RYR2: variants seen among roughly 807,000 people sequenced by gnomAD.
RYR2 encodes cardiac muscle ryanodine receptor-calcium release channel.
In RYR2, 227 loss-of-function variants were observed where a neutral mutation model predicts 601.1. The observed-to-expected ratio is 0.38, with a 90% CI of 0.34 to 0.42. The LOEUF is 0.42. Among genes scored for constraint, RYR2 ranks in the 10% least tolerant of loss-of-function variants. The pLI is 1.00. For missense variants in RYR2, 4,646 were observed against 6,156.5 expected (o/e 0.75, Z 8.21); for synonymous variants, 2,223 against 2,175.1 (o/e 1.02, Z -0.61).
At chr1:237,511,204 C>T (rs1665857800) in intron 23 of RYR2, among the ~76,000 whole-genome samples, 1 of 151,052 alleles carries the variant, frequency 6.6e-6, no homozygotes, top group South Asian at 2.1e-4. Flanking sequence ...ACAAAAGAGA[C>T]CAAAATCTTT....
At chr1:237,148,533 T>TATATATATATATACACACACAC (rs1558320030) in intron 1 of RYR2, among the ~76,000 whole-genome samples, 1 of 116,742 alleles carries the variant, frequency 8.6e-6, no homozygotes, top group African/African-American at 4.0e-5. Context: ...AAAAAATATA[T>TATATATATATATACACACACAC]ATATATATAT....
intron 1 of RYR2, among the ~76,000 whole-genome samples, chr1:237,192,735 A>C (rs1558400405): frequency 6.6e-6 from 1 of 152,182 alleles, no homozygotes; most frequent in Non-Finnish European, 1.5e-5. Context: ...TTTAGAACAG[A>C]GATACGTAAC....
chr1:237,473,477 C>CTTTCTTTCTTTCTTCT (rs1553464755), intron 17 of RYR2, among the ~76,000 whole-genome samples: 3 of 145,520 alleles, frequency 2.1e-5, no homozygotes, highest in African/African-American at 2.5e-5. Context: ...ATCTATCTAT[C>CTTTCTTTCTTTCTTCT]TGGCATATAT....
chr1:237,410,770 C>T (rs1355894154), intron 10 of RYR2, among the ~76,000 whole-genome samples: 4 of 151,996 alleles, frequency 2.6e-5, no homozygotes, highest in East Asian at 1.9e-4. Context: ...CAACAGTTCT[C>T]GAGACAGTGG....
chr1:237,590,504 A>T, intron 30 of RYR2, 136 bp from the exon 31 acceptor site: 1 of 642,926 alleles, frequency 1.6e-6, no homozygotes, highest in Non-Finnish European at 2.6e-6. Context: ...TAATCTGTTT[A>T]ATCATCTCTT....
chr1:237,578,151 T>G (rs778664054), intron 29 of RYR2, among the ~76,000 whole-genome samples: 1 of 152,072 alleles, frequency 6.6e-6, no homozygotes, highest in Non-Finnish European at 1.5e-5. Flanking sequence ...CTGTAGAGCT[T>G]TTGGGACTGA....
chr1:237,700,612 G>A, intron 65 of RYR2, 145 bp downstream of exon 65: 1 of 601,026 alleles, frequency 1.7e-6, no homozygotes, highest in Non-Finnish European at 3.0e-6. Context: ...GTTATAGGTT[G>A]ACATTTGTGT....
At chr1:237,719,805 C>A (rs1163983149) in intron 73 of RYR2, among the ~76,000 whole-genome samples, 1 of 151,722 alleles carries the variant, frequency 6.6e-6, no homozygotes, top group African/African-American at 2.4e-5. Flanking sequence ...GCTGCTAAAC[C>A]ACTTATGAAA....
intron 60 of RYR2, among the ~76,000 whole-genome samples, chr1:237,676,801 C>G (rs1488593369): frequency 6.6e-6 from 1 of 152,090 alleles, no homozygotes; most frequent in East Asian, 1.9e-4. Flanking sequence ...TGTAATCTCT[C>G]CACATCTTTT....
intron 24 of RYR2, among the ~76,000 whole-genome samples, chr1:237,526,378 C>T (rs1159666077): frequency 6.6e-6 from 1 of 151,414 alleles, no homozygotes; most frequent in African/African-American, 2.4e-5. Context: ...ACCAGAGTCT[C>T]ACTCTGTAGC....
chr1:237,440,088 A>C (rs1432527215), intron 12 of RYR2, among the ~76,000 whole-genome samples: 1 of 152,164 alleles, frequency 6.6e-6, no homozygotes, highest in African/African-American at 2.4e-5. Flanking sequence ...GTTGACCTTG[A>C]CATTTTGTGT....
At chr1:237,278,205 C>T (rs1322451654) in intron 2 of RYR2, among the ~76,000 whole-genome samples, 2 of 148,638 alleles carry the variant, frequency 1.3e-5, no homozygotes, top group Admixed American at 6.8e-5. Flanking sequence ...CAGGTATCTA[C>T]GACTACAGGC....
intron 84 of RYR2, among the ~76,000 whole-genome samples, chr1:237,766,928 T>C (rs547566386): frequency 1.3e-5 from 2 of 152,332 alleles, no homozygotes; most frequent in Admixed American, 1.3e-4. Flanking sequence ...CACTCTGGAA[T>C]TTATAGAACA....
intron 25 of RYR2, among the ~76,000 whole-genome samples, chr1:237,534,031 C>G (rs1452648105): frequency 6.6e-6 from 1 of 152,010 alleles, no homozygotes; most frequent in African/African-American, 2.4e-5. Flanking sequence ...ATGTGCGTAA[C>G]AGAAATTGTC....
intron 17 of RYR2, among the ~76,000 whole-genome samples, chr1:237,485,026 T>C (rs1662527313): frequency 6.6e-6 from 1 of 152,206 alleles, no homozygotes; most frequent in Non-Finnish European, 1.5e-5. Flanking sequence ...AATTTTGTGT[T>C]CTACAAACAA....
At position 237,253,237 on chromosome 1, in the gene RYR2, A is replaced by AC. The variant is rs1553365964; in HGVS notation, c.49-17260_49-17259insC. On this transcript the variant is annotated intron_variant, in intron 1 of 104. Transcript: ENST00000366574. ...AGTGGATATTACAAATTATTATTAT[A>AC]TTATTATTTCTGTCTAATAGATGAG... Among the ~76,000 whole-genome samples, 14 of 150,454 alleles carry AC rather than the reference A, an allele frequency of 9.3e-5. No individual in the cohort carries two copies. In the East Asian group the frequency reaches 2.6e-3, roughly 27 times the overall value.
At chr1:237,656,961 A>T (rs1356621850) in intron 53 of RYR2, among the ~76,000 whole-genome samples, 1 of 152,204 alleles carries the variant, frequency 6.6e-6, no homozygotes, top group Non-Finnish European at 1.5e-5. Flanking sequence ...ACATATTCAC[A>T]TTCCTACATG....
At chr1:237,763,655 T>A (rs576608520) in intron 84 of RYR2, among the ~76,000 whole-genome samples, 1 of 152,306 alleles carries the variant, frequency 6.6e-6, no homozygotes, top group African/African-American at 2.4e-5. Context: ...TTTTAGATAG[T>A]ACTTAGGACG....
chr1:237,144,459 C>T (rs1673757650), intron 1 of RYR2, among the ~76,000 whole-genome samples: 2 of 152,180 alleles, frequency 1.3e-5, no homozygotes, highest in Admixed American at 6.5e-5. Flanking sequence ...GAGATAGGGA[C>T]ACTATCTTCT....
Sources: gnomAD v4.1 joint callset for allele counts (sites outside exome capture counted in the v4.1 genomes callset) on GRCh38, gnomAD v4.1.1 for gene constraint, MANE v1.5 for transcripts, NCBI Gene and HGNC (gene_info 2026-07-23, HGNC 2026-07-21) for gene names.